PCSK5: variants seen among roughly 807,000 people sequenced by gnomAD.
PCSK5 encodes the protein prohormone convertase 5.
PCSK5 carries 129 observed loss-of-function variants against 233.2 expected under a neutral mutation model. The ratio of observed to expected loss-of-function variants is 0.55; its 90% CI spans 0.48 to 0.64. The LOEUF is 0.64. Ranked by LOEUF, PCSK5 falls within the 30% of genes least tolerant of loss-of-function variation. The pLI is 0.00. For missense variants in PCSK5, 2,076 were observed against 2,430.1 expected, an observed-to-expected ratio of 0.85 and a Z score of 3.06; for synonymous variants, 825 against 879.2, an observed-to-expected ratio of 0.94 and a Z score of 1.09.
At chr9:75,970,916 G>A (rs954203269) in intron 2 of PCSK5, among the ~76,000 whole-genome samples, 1 of 152,094 alleles carries the variant, frequency 6.6e-6, no homozygotes, top group Admixed American at 6.5e-5. Context: ...GAGACACCAC[G>A]CCTGGATAAC....
At chr9:76,179,383 T>C in intron 14 of PCSK5, among the ~76,000 whole-genome samples, 1 of 152,122 alleles carries the variant, frequency 6.6e-6, no homozygotes, top group Non-Finnish European at 1.5e-5. Flanking sequence ...ACATTCTTTA[T>C]ACCTAGGTAA....
chr9:76,064,537 G>T (rs1440402329), intron 5 of PCSK5, among the ~76,000 whole-genome samples: 2 of 150,198 alleles, frequency 1.3e-5, no homozygotes, highest in Non-Finnish European at 3.0e-5. Flanking sequence ...TCCCGGACGG[G>T]GTGGCTGCCG....
chr9:76,216,943 C>A (rs1046647343), intron 20 of PCSK5, among the ~76,000 whole-genome samples: 3 of 152,160 alleles, frequency 2.0e-5, no homozygotes, highest in African/African-American at 4.8e-5. Flanking sequence ...CGGGTTCAAG[C>A]AATTCGACTG....
intron 10 of PCSK5, among the ~76,000 whole-genome samples, chr9:76,143,638 A>G (rs1200869728): frequency 6.6e-6 from 1 of 151,898 alleles, no homozygotes; most frequent in Non-Finnish European, 1.5e-5. Context: ...AGACTGAGAC[A>G]TTCAGCGACA....
chr9:75,961,595 A>G (rs973963661), intron 2 of PCSK5, among the ~76,000 whole-genome samples: 1 of 152,198 alleles, frequency 6.6e-6, no homozygotes, highest in East Asian at 1.9e-4. Flanking sequence ...AGTATGTTTG[A>G]TATGATTTGG....
rs1285919663 is a variant in PCSK5 at position 76,107,188 on chromosome 9, C to A, written c.1108-63C>A. On this transcript the variant is annotated intron_variant, in intron 8 of 37. Coordinates refer to ENST00000674117, the MANE Select transcript of PCSK5 (RefSeq NM_001372043.1). Reference sequence around the variant, plus strand: ...CCATTCTATTTTTATGAGTATATTTCTTTCTACTTGCAGGTGACTCACATT... The same window carrying A: ...CCATTCTATTTTTATGAGTATATTTATTTCTACTTGCAGGTGACTCACATT... The A allele has an allele frequency of 5.3e-6, 5 of 949,782 alleles. No individual in the cohort carries two copies. In the Admixed American group the frequency reaches 1.1e-4, roughly 20 times the overall value. The allele number at this position is 949,782 out of a possible 1,614,324, so 58.8% of individuals were successfully genotyped here.
intron 24 of PCSK5, among the ~76,000 whole-genome samples, chr9:76,273,331 G>A (rs1026356772): frequency 2.6e-5 from 4 of 151,990 alleles, no homozygotes; most frequent in Admixed American, 2.6e-4. Context: ...AATTCATTGT[G>A]ATATCTTTCT....
At chr9:76,339,755 G>A (rs1373050370) in intron 35 of PCSK5, among the ~76,000 whole-genome samples, 3 of 152,104 alleles carry the variant, frequency 2.0e-5, no homozygotes, top group Non-Finnish European at 4.4e-5. Context: ...ATATTGATCA[G>A]GCTGGTCTCG....
chr9:76,010,401 T>A (rs574705919), intron 3 of PCSK5, among the ~76,000 whole-genome samples: 1 of 152,316 alleles, frequency 6.6e-6, no homozygotes, highest in East Asian at 1.9e-4. Context: ...AAACACATCC[T>A]TTTAAAGGAA....
At chr9:75,923,493 G>A (rs1823344668) in intron 1 of PCSK5, among the ~76,000 whole-genome samples, 1 of 152,104 alleles carries the variant, frequency 6.6e-6, no homozygotes, top group African/African-American at 2.4e-5. Flanking sequence ...TATTGCTATA[G>A]CTATATTGGT....
chr9:76,045,138 G>A (rs1001466098), intron 5 of PCSK5, among the ~76,000 whole-genome samples: 2 of 152,080 alleles, frequency 1.3e-5, no homozygotes, highest in Admixed American at 1.3e-4. Flanking sequence ...GTTATTTATT[G>A]GATTTATAAC....
chr9:75,973,043 T>C (rs1015517455), intron 2 of PCSK5, among the ~76,000 whole-genome samples: 1 of 151,754 alleles, frequency 6.6e-6, no homozygotes, highest in African/African-American at 2.4e-5. Flanking sequence ...TGTGACTGGG[T>C]TAAGTCACTT....
At chr9:76,111,030 C>A (rs1365360689) in intron 9 of PCSK5, among the ~76,000 whole-genome samples, 1 of 152,008 alleles carries the variant, frequency 6.6e-6, no homozygotes, top group African/African-American at 2.4e-5. Flanking sequence ...TTGTTCGAAC[C>A]CAGGAGGCAG....
At chr9:76,123,930 T>C (rs1832741945) in intron 9 of PCSK5, among the ~76,000 whole-genome samples, 1 of 84,184 alleles carries the variant, frequency 1.2e-5, no homozygotes, top group South Asian at 4.2e-4. Context: ...AGAAGTCCTG[T>C]TTTGCTTAGT....
intron 7 of PCSK5, among the ~76,000 whole-genome samples, chr9:76,075,006 G>C (rs1193057947): frequency 2.0e-5 from 3 of 152,004 alleles, no homozygotes; most frequent in Non-Finnish European, 4.4e-5. Flanking sequence ...GATCACCTGA[G>C]GTCAGGAGTT....
At chr9:76,029,881 A>G (rs1828583163) in intron 5 of PCSK5, among the ~76,000 whole-genome samples, 1 of 152,236 alleles carries the variant, frequency 6.6e-6, no homozygotes, top group Non-Finnish European at 1.5e-5. Flanking sequence ...ATGCCATTCC[A>G]GTCAAAGCCT....
At chr9:76,101,868 A>C (rs886065892) in intron 8 of PCSK5, among the ~76,000 whole-genome samples, 1 of 152,104 alleles carries the variant, frequency 6.6e-6, no homozygotes, top group Non-Finnish European at 1.5e-5. Flanking sequence ...CTACCACCCG[A>C]TTCATTTTTC....
intron 20 of PCSK5, among the ~76,000 whole-genome samples, chr9:76,197,669 G>A (rs1824755149): frequency 6.6e-6 from 1 of 151,766 alleles, no homozygotes. Flanking sequence ...CATATTGGAG[G>A]CAATTTTAAA....
chr9:76,238,533 T>C lies in PCSK5; in HGVS notation c.2867-426T>C, dbSNP rs148151192. Among the ~76,000 whole-genome samples, 338 of 152,360 alleles carry C rather than the reference T, an allele frequency of 2.2e-3. 1 individual carries two copies. Among genetic ancestry groups the C allele is most frequent in the African/African-American group, 7.8e-3 (323 of 41,586 alleles). ...AAAATCATTTTAAAAGATTGCACTT[T>C]CATAAAAAGTGTCGATCATTATGCA... On this transcript the variant is annotated intron_variant, in intron 22 of 37. Transcript: ENST00000674117.
Sources: allele counts gnomAD v4.1 joint callset (sites outside exome capture counted in the v4.1 genomes callset), GRCh38; gene constraint gnomAD v4.1.1; transcripts MANE v1.5; gene names NCBI Gene and HGNC (gene_info 2026-07-23, HGNC 2026-07-21).